The following RYR2 variants were observed in gnomAD, a reference collection of about 807,000 sequenced individuals.
The protein encoded by RYR2 is cardiac muscle ryanodine receptor-calcium release channel.
In RYR2, 227 loss-of-function variants were observed where a neutral mutation model predicts 601.1. The ratio of observed to expected loss-of-function variants is 0.38; its 90% CI spans 0.34 to 0.42. RYR2 has a LOEUF of 0.42. RYR2 is among the 10% of genes least tolerant of loss of function. The pLI, the probability that RYR2 is intolerant of heterozygous loss-of-function variation, is 1.00. For synonymous variants in RYR2, 2,223 were observed against 2,175.1 expected, an observed-to-expected ratio of 1.02 and a Z score of -0.61; for missense variants, 4,646 against 6,156.5, an observed-to-expected ratio of 0.75 and a Z score of 8.21.
intron 1 of RYR2, among the ~76,000 whole-genome samples, chr1:237,213,079 T>G (rs777491664): frequency 1.3e-5 from 2 of 151,850 alleles, no homozygotes; most frequent in Non-Finnish European, 2.9e-5. Context: ...GCTGATTGGT[T>G]ATTATTATTA....
intron 14 of RYR2, 71 bp downstream of exon 14, chr1:237,445,593 C>A: frequency 1.3e-6 from 2 of 1,572,952 alleles, no homozygotes; most frequent in South Asian, 1.1e-5. Context: ...TGCAAATAGA[C>A]AATTTAAAAG....
At chr1:237,589,203 T>C (rs981782622) in intron 29 of RYR2, among the ~76,000 whole-genome samples, 3 of 152,180 alleles carry the variant, frequency 2.0e-5, no homozygotes, top group Admixed American at 2.0e-4. Context: ...CATGCTTAGA[T>C]CCAGTTTATT....
At chr1:237,372,985 G>A (rs1272196625) in intron 6 of RYR2, among the ~76,000 whole-genome samples, 1 of 152,090 alleles carries the variant, frequency 6.6e-6, no homozygotes, top group South Asian at 2.1e-4. Context: ...GAAACATTAA[G>A]GAGAAAGCAT....
chr1:237,316,528 C>T (rs1214523125), intron 2 of RYR2, among the ~76,000 whole-genome samples: 1 of 152,162 alleles, frequency 6.6e-6, no homozygotes, highest in Non-Finnish European at 1.5e-5. Flanking sequence ...GATGTGTTTG[C>T]TCTCGACAGA....
intron 2 of RYR2, among the ~76,000 whole-genome samples, chr1:237,276,096 G>A (rs1050895381): frequency 3.3e-5 from 5 of 152,018 alleles, no homozygotes; most frequent in African/African-American, 1.2e-4. Context: ...GCATATATTC[G>A]TATTTTATTT....
intron 1 of RYR2, among the ~76,000 whole-genome samples, chr1:237,119,907 C>T (rs73117619): frequency 0.095 from 14,389 of 152,214 alleles, 1,299 homozygotes; most frequent in African/African-American, 0.24. Flanking sequence ...AAGTGATAAA[C>T]GAGTTATCCC....
At chr1:237,244,913 A>G (rs1686643030) in intron 1 of RYR2, among the ~76,000 whole-genome samples, 1 of 152,150 alleles carries the variant, frequency 6.6e-6, no homozygotes, top group Non-Finnish European at 1.5e-5. Flanking sequence ...CCAAGGATTC[A>G]TTGTCTTATT....
intron 1 of RYR2, among the ~76,000 whole-genome samples, chr1:237,204,475 G>A (rs1448538691): frequency 2.0e-5 from 3 of 147,892 alleles, no homozygotes; most frequent in Admixed American, 6.8e-5. Context: ...TGTTATGAAT[G>A]TTCTTGTTAC....
intron 25 of RYR2, among the ~76,000 whole-genome samples, chr1:237,543,801 C>T (rs1040707726): frequency 6.6e-6 from 1 of 152,182 alleles, no homozygotes; most frequent in African/African-American, 2.4e-5. Context: ...TTACATTACA[C>T]TGAGCCCTTG....
At chr1:237,756,539 C>G (rs546360940) in intron 81 of RYR2, among the ~76,000 whole-genome samples, 152 bp downstream of exon 81, 1 of 152,186 alleles carries the variant, frequency 6.6e-6, no homozygotes, top group South Asian at 2.1e-4. Flanking sequence ...AATACGAGCT[C>G]TCATTGTTTA....
chr1:237,707,195 T>C lies in RYR2; in HGVS notation c.9827T>C (p.Leu3276Pro). ...TALNSEHMNT[L>P]LGNILKIIYN... is the part of the protein sequence containing the mutation. The stretch of plus-strand genomic sequence containing the variant: ...CTGAACTCAGAGCACATGAACACAC[T>C]TCTAGGGAACATATTGAAAATCATA... Residue 3276 changes from leucine (L) to proline (P), a missense_variant, in exon 68 of 105, where the codon CTT (leucine) becomes CCT (proline). Physicochemically the swap from Leu to Pro is moderately conservative, Grantham distance 98 (BLOSUM62 -3). Around this residue, in one of 17 missense-constraint regions of RYR2, gnomAD observed 1,497 missense variants for 1,842.6 expected, o/e 0.81. Coordinates refer to ENST00000366574, the MANE Select transcript of RYR2 (RefSeq NM_001035.3). 3 of 1,605,810 alleles carry C rather than the reference T, an allele frequency of 1.9e-6. No homozygotes were observed. Among genetic ancestry groups the C allele is most frequent in the Non-Finnish European group, 2.6e-6 (3 of 1,173,578 alleles).
At chr1:237,740,985 G>T (rs922041783) in intron 79 of RYR2, among the ~76,000 whole-genome samples, 1 of 152,138 alleles carries the variant, frequency 6.6e-6, no homozygotes, top group Non-Finnish European at 1.5e-5. Flanking sequence ...CTAATAACAT[G>T]GGAGACAGAG....
intron 17 of RYR2, among the ~76,000 whole-genome samples, chr1:237,478,524 A>G (rs1305622365): frequency 6.6e-6 from 1 of 152,244 alleles, no homozygotes; most frequent in Non-Finnish European, 1.5e-5. Context: ...ATTAAAAGCA[A>G]GGTTTTCCCA....
At chr1:237,086,280 G>C (rs1666322304) in intron 1 of RYR2, among the ~76,000 whole-genome samples, 1 of 152,070 alleles carries the variant, frequency 6.6e-6, no homozygotes. Context: ...GTCCTCACGT[G>C]GTCTTTCCTC....
intron 74 of RYR2, among the ~76,000 whole-genome samples, chr1:237,725,582 C>T (rs1316823810): frequency 1.3e-5 from 2 of 152,050 alleles, no homozygotes; most frequent in Non-Finnish European, 2.9e-5. Flanking sequence ...CAAATTCTAG[C>T]CAAGCTAACA....
intron 58 of RYR2, 32 bp from the exon 59 acceptor site, chr1:237,674,064 T>C (rs1453681476): frequency 6.3e-7 from 1 of 1,581,698 alleles, no homozygotes; most frequent in Admixed American, 1.8e-5. Flanking sequence ...TTCAAATTAC[T>C]ATGCTGTGTT....
intron 1 of RYR2, among the ~76,000 whole-genome samples, chr1:237,259,532 A>AC (rs1688311988): frequency 2.9e-5 from 1 of 34,922 alleles, no homozygotes; most frequent in Non-Finnish European, 6.4e-5. Context: ...GACCATTTAA[A>AC]AAAAAAAAAA....
At chr1:237,513,973 A>G (rs1666168557) in intron 24 of RYR2, among the ~76,000 whole-genome samples, 1 of 152,216 alleles carries the variant, frequency 6.6e-6, no homozygotes, top group African/African-American at 2.4e-5. Flanking sequence ...AAAAAGCAAT[A>G]TATACACATC....
intron 10 of RYR2, among the ~76,000 whole-genome samples, chr1:237,407,231 C>A (rs947058452): frequency 1.3e-5 from 2 of 152,178 alleles, no homozygotes; most frequent in Non-Finnish European, 2.9e-5. Flanking sequence ...ATTTTGGCTG[C>A]TTCCAAGTTG....
Sources: gnomAD v4.1 joint callset for allele counts (sites outside exome capture counted in the v4.1 genomes callset) on GRCh38, gnomAD v4.1.1 for gene constraint, gnomAD v4.1.1 regional missense constraint, MANE v1.5 for transcripts, NCBI Gene and HGNC (gene_info 2026-07-23, HGNC 2026-07-21) for gene names.